Variants in TENT5D observed in about 807,000 individuals in gnomAD.
The protein encoded by TENT5D is cancer/testis antigen 112.
For synonymous variants in TENT5D, 103 were observed against 100.6 expected (o/e 1.02, Z -0.15); for missense variants, 191 against 287.0 (o/e 0.67, Z 2.42).
chrX:80,404,900 T>C (rs1345689260), intron 3 of TENT5D, among the ~76,000 whole-genome samples: 2 of 112,068 alleles, frequency 1.8e-5, no homozygotes, highest in Non-Finnish European at 3.8e-5. Flanking sequence ...CAAAACTTAA[T>C]AATACTGACA....
At chrX:80,410,906 A>G (rs1219435376) in intron 3 of TENT5D, among the ~76,000 whole-genome samples, 5 of 106,467 alleles carry the variant, frequency 4.7e-5, no homozygotes, top group Admixed American at 2.0e-4. Context: ...ATGGAATACT[A>G]TGCAGCCATA....
intron 3 of TENT5D, among the ~76,000 whole-genome samples, chrX:80,361,933 G>A (rs1369011759): frequency 1.8e-5 from 2 of 111,469 alleles, no homozygotes; most frequent in African/African-American, 6.5e-5. Flanking sequence ...TGCTGAGGTA[G>A]TGAGCATAGT....
intron 3 of TENT5D, among the ~76,000 whole-genome samples, chrX:80,364,334 A>G (rs1371320607): frequency 1.8e-5 from 2 of 111,793 alleles, no homozygotes; most frequent in East Asian, 5.6e-4. Flanking sequence ...TGACACTGGT[A>G]TTTGCCCACT....
At chrX:80,363,923 C>T (rs1177126246) in intron 3 of TENT5D, among the ~76,000 whole-genome samples, 3 of 112,523 alleles carry the variant, frequency 2.7e-5, no homozygotes, top group Non-Finnish European at 5.6e-5. Context: ...TCCATTACCT[C>T]ACATAATTAC....
chrX:80,356,542 C>A (rs1033036031), intron 3 of TENT5D, among the ~76,000 whole-genome samples: 10 of 111,066 alleles, frequency 9.0e-5, no homozygotes, highest in African/African-American at 3.3e-4. Context: ...TATAATTTTA[C>A]AGTTATTAAA....
chrX:80,352,890 A>T (rs1281924541), intron 3 of TENT5D, among the ~76,000 whole-genome samples: 1 of 110,766 alleles, frequency 9.0e-6, no homozygotes, highest in Non-Finnish European at 1.9e-5. Context: ...TCTGGGCCGG[A>T]TAGCGCAGTC....
chrX:80,369,061 A>G (rs1009455606), intron 3 of TENT5D, among the ~76,000 whole-genome samples: 11 of 111,934 alleles, frequency 9.8e-5, no homozygotes, highest in African/African-American at 3.6e-4. Flanking sequence ...GAGATATAAA[A>G]TATTTCTGGA....
At chrX:80,372,379 T>G (rs1401638197) in intron 3 of TENT5D, among the ~76,000 whole-genome samples, 1 of 111,935 alleles carries the variant, frequency 8.9e-6, no homozygotes, top group Non-Finnish European at 1.9e-5. Context: ...TGTATTTATT[T>G]TTGCAAATTT....
intron 3 of TENT5D, among the ~76,000 whole-genome samples, chrX:80,410,818 A>T (rs745593202): frequency 1.8e-5 from 2 of 108,312 alleles, no homozygotes; most frequent in Non-Finnish European, 3.8e-5. Context: ...GGCATTATTC[A>T]CAATAGCAAA....
chrX:80,368,618 T>A (rs990528654), intron 3 of TENT5D, among the ~76,000 whole-genome samples: 6 of 112,271 alleles, frequency 5.3e-5, no homozygotes, highest in African/African-American at 1.9e-4. Context: ...GAGCAGTGAT[T>A]ATCTTCCACC....
chrX:80,394,186 G>T (rs1017591031), intron 3 of TENT5D, among the ~76,000 whole-genome samples: 1 of 110,893 alleles, frequency 9.0e-6, no homozygotes, highest in Admixed American at 9.6e-5. Context: ...GTGTACAAGG[G>T]TTTCCTTTTC....
chrX:80,352,761 T>C (rs1930210644), intron 3 of TENT5D, among the ~76,000 whole-genome samples: 1 of 105,653 alleles, frequency 9.5e-6, no homozygotes, highest in African/African-American at 3.5e-5. Context: ...TGCAGCTAGC[T>C]TAGTGTCTGC....
intron 3 of TENT5D, among the ~76,000 whole-genome samples, chrX:80,383,968 G>A: frequency 9.0e-6 from 1 of 111,017 alleles, no homozygotes; most frequent in Non-Finnish European, 1.9e-5. Context: ...GATTCACAGT[G>A]GAATTCTACC....
chrX:80,387,184 G>T (rs1431675464), intron 3 of TENT5D, among the ~76,000 whole-genome samples: 1 of 112,055 alleles, frequency 8.9e-6, no homozygotes, highest in Non-Finnish European at 1.9e-5. Context: ...AAAGATTGCA[G>T]CCAAGGGTCT....
At chrX:80,363,942 A>G (rs1930457535) in intron 3 of TENT5D, among the ~76,000 whole-genome samples, 1 of 112,570 alleles carries the variant, frequency 8.9e-6, no homozygotes, top group African/African-American at 3.2e-5. Flanking sequence ...ACCTTTGTGC[A>G]TGTGTGGTGA....
chrX:80,433,436 A>G (rs1374273540), intron 1 of TENT5D, among the ~76,000 whole-genome samples: 1 of 112,325 alleles, frequency 8.9e-6, no homozygotes, highest in Non-Finnish European at 1.9e-5. Flanking sequence ...AACAGTGTAC[A>G]CTTTTATCCT....
intron 3 of TENT5D, among the ~76,000 whole-genome samples, chrX:80,396,906 ACC>A (rs1166522739): frequency 1.3e-5 from 1 of 78,803 alleles, no homozygotes; most frequent in African/African-American, 4.7e-5. Flanking sequence ...CGGGGGGCTG[ACC>A]CCCCCACCTC....
At chrX:80,344,226 T>C (rs1027154504) in intron 3 of TENT5D, among the ~76,000 whole-genome samples, 1 of 110,639 alleles carries the variant, frequency 9.0e-6, no homozygotes. Context: ...TGATTCCATC[T>C]CTTTGCTATT....
intron 3 of TENT5D, among the ~76,000 whole-genome samples, chrX:80,347,028 T>A (rs1327482047): frequency 8.9e-6 from 1 of 111,874 alleles, no homozygotes; most frequent in African/African-American, 3.3e-5. Context: ...TATGGCTGCA[T>A]AGTATTCCGT....
Sources: gnomAD v4.1 joint callset for allele counts (sites outside exome capture counted in the v4.1 genomes callset) on GRCh38, gnomAD v4.1.1 for gene constraint, MANE v1.5 for transcripts, NCBI Gene and HGNC (gene_info 2026-07-23, HGNC 2026-07-21) for gene names.